Variants in SENP1 observed in about 807,000 individuals in gnomAD.
SENP1 encodes SUMO specific peptidase 1, also known as sentrin-specific protease 1.
In SENP1, 21 loss-of-function variants were observed where a neutral mutation model predicts 93.0. The ratio of observed to expected loss-of-function variants is 0.23; its 90% confidence interval spans 0.16 to 0.33. The LOEUF is 0.33. Ranked by LOEUF, SENP1 falls within the 10% of genes least tolerant of loss-of-function variation. SENP1 has a pLI of 1.00. For synonymous variants in SENP1, 256 were observed against 259.6 expected (o/e 0.99, Z 0.13); for missense variants, 591 against 758.7 (o/e 0.78, Z 2.60).
chr12:48,088,675 C>T lies in SENP1; in HGVS notation c.380+126G>A, dbSNP rs557652800. Reference sequence around the variant, plus strand: ...AATGTAAAATGGATTTGTTCATATCCTTAAGGTTTAAAGTCCAAAAATGGT... The same window carrying T: ...AATGTAAAATGGATTTGTTCATATCTTTAAGGTTTAAAGTCCAAAAATGGT... On this transcript the variant is annotated intron_variant, in intron 5 of 17. Coordinates refer to ENST00000549518, the MANE Select transcript of SENP1 (RefSeq NM_001267594.2). 96 of 865,248 alleles carry T rather than the reference C, an allele frequency of 1.1e-4. No individual in the cohort carries two copies. The African/African-American group carries it at 1.5e-3, about 14-fold the overall frequency. The allele number at this position is 865,248 out of a possible 1,614,324, so 53.6% of individuals were successfully genotyped here. A position where few individuals can be genotyped will look rare whatever the true frequency, so the allele number is the denominator to read the frequency against.
chr12:48,092,609 A>G (rs1945287911), intron 4 of SENP1, among the ~76,000 whole-genome samples: 1 of 152,110 alleles, frequency 6.6e-6, no homozygotes, highest in African/African-American at 2.4e-5. Flanking sequence ...TTAGCATCCC[A>G]TTTCAGTATG....
chr12:48,059,386 T>C (rs1267756772), intron 13 of SENP1, among the ~76,000 whole-genome samples: 4 of 152,194 alleles, frequency 2.6e-5, no homozygotes, highest in African/African-American at 7.2e-5. Flanking sequence ...TAATACTACC[T>C]TATATATTTT....
At chr12:48,046,745 G>A (rs967569346) in intron 16 of SENP1, among the ~76,000 whole-genome samples, 1 of 152,182 alleles carries the variant, frequency 6.6e-6, no homozygotes, top group Admixed American at 6.5e-5. Context: ...TTCCCCTTAG[G>A]AGTGAAAAGC....
At chr12:48,052,748 A>G (rs893511244) in intron 13 of SENP1, among the ~76,000 whole-genome samples, 1 of 152,226 alleles carries the variant, frequency 6.6e-6, no homozygotes, top group African/African-American at 2.4e-5. Flanking sequence ...TTATGGAGTC[A>G]TTTATGGAGA....
At chr12:48,080,019 G>T (rs1167687110) in intron 6 of SENP1, 2 of 152,136 alleles carry the variant, frequency 1.3e-5, no homozygotes, top group African/African-American at 2.4e-5. Flanking sequence ...TCAATAATTT[G>T]CAAAGAAGCG....
Position 48,049,100 on chromosome 12 carries a change from C to T in SENP1, c.1440G>A (p.Glu480=), listed in dbSNP as rs1354294511. The T allele has an allele frequency of 6.2e-7, 1 of 1,613,620 alleles. No homozygotes were observed. The highest frequency in any genetic ancestry group is 8.5e-7 in the Non-Finnish European group (1 of 1,179,626). Residue 480 remains glutamate, a synonymous_variant, in exon 14 of 18, where the codon GAG becomes GAA. Coordinates refer to ENST00000549518, the MANE Select transcript of SENP1 (RefSeq NM_001267594.2). ...IINFYMNMLM[E]RSKEKGLPSV... ...TTGGCAAGCCCTTCTCTTTACTTCGCTCCATCAGCATATTCATGTAGAAAT... is the reference window on the plus strand; with the variant it reads ...TTGGCAAGCCCTTCTCTTTACTTCGTTCCATCAGCATATTCATGTAGAAAT...
At chr12:48,063,040 C>T (rs7133249) in intron 13 of SENP1, among the ~76,000 whole-genome samples, 34,376 of 152,000 alleles carry the variant, frequency 0.23, 4,568 homozygotes, top group East Asian at 0.55. Context: ...TTTTCTTTTG[C>T]TGTAAAAATA....
chr12:48,056,354 ATAT>A (rs1192777499), intron 13 of SENP1, among the ~76,000 whole-genome samples: 1 of 102,284 alleles, frequency 9.8e-6, no homozygotes, highest in African/African-American at 3.6e-5. Context: ...TACATATAAT[ATAT>A]TATTTAATAT....
chr12:48,089,240 C>G, intron 4 of SENP1: 1 of 1,431,142 alleles, frequency 7.0e-7, no homozygotes, highest in Non-Finnish European at 9.3e-7. Flanking sequence ...TGGTGTCCAC[C>G]AAAAGTCAAC....
intron 6 of SENP1, among the ~76,000 whole-genome samples, chr12:48,078,340 C>CACACACAT (rs141523302): frequency 1.0e-3 from 84 of 84,058 alleles, no homozygotes; most frequent in East Asian, 7.2e-3. Context: ...TATATACACA[C>CACACACAT]ACATATATAT....
chr12:48,091,500 T>C (rs922477055), intron 4 of SENP1, among the ~76,000 whole-genome samples: 3 of 152,090 alleles, frequency 2.0e-5, no homozygotes, highest in Admixed American at 2.0e-4. Flanking sequence ...TGAAAGTAAG[T>C]ACTACCAGTT....
intron 13 of SENP1, among the ~76,000 whole-genome samples, chr12:48,052,747 C>A (rs182771445): frequency 6.0e-4 from 91 of 152,280 alleles, no homozygotes; most frequent in Admixed American, 5.0e-3. Context: ...TTTATGGAGT[C>A]ATTTATGGAG....
chr12:48,054,636 A>G (rs1261674506), intron 13 of SENP1, among the ~76,000 whole-genome samples: 1 of 152,074 alleles, frequency 6.6e-6, no homozygotes, highest in Non-Finnish European at 1.5e-5. Flanking sequence ...CTAAAAATAG[A>G]CAAATTAGCT....
chr12:48,102,268 C>T (rs1383911727), intron 1 of SENP1, among the ~76,000 whole-genome samples: 1 of 151,990 alleles, frequency 6.6e-6, no homozygotes, highest in Non-Finnish European at 1.5e-5. Flanking sequence ...CCCATCTCTA[C>T]TAAAAATACA....
intron 17 of SENP1, among the ~76,000 whole-genome samples, chr12:48,046,028 C>T (rs1041169279): frequency 1.3e-5 from 2 of 152,062 alleles, no homozygotes; most frequent in African/African-American, 4.8e-5. Flanking sequence ...TGACTACTAA[C>T]GAAATGCAAG....
At chr12:48,074,120 A>G (rs1173667816) in intron 8 of SENP1, among the ~76,000 whole-genome samples, 1 of 152,148 alleles carries the variant, frequency 6.6e-6, no homozygotes, top group East Asian at 1.9e-4. Context: ...AAACATCCAA[A>G]ATCCCAAATG....
At chr12:48,053,157 C>A (rs1218950900) in intron 13 of SENP1, among the ~76,000 whole-genome samples, 1 of 152,054 alleles carries the variant, frequency 6.6e-6, no homozygotes, top group Non-Finnish European at 1.5e-5. Flanking sequence ...CCGTTCCCAT[C>A]AAAAATATAT....
At chr12:48,103,969 T>C (rs577592019) in intron 1 of SENP1, among the ~76,000 whole-genome samples, 1 of 152,122 alleles carries the variant, frequency 6.6e-6, no homozygotes, top group East Asian at 1.9e-4. Context: ...TCCCAGAACT[T>C]TGGGAGGCCG....
At chr12:48,077,624 A>T (rs2137073843) in intron 6 of SENP1, among the ~76,000 whole-genome samples, 1 of 152,170 alleles carries the variant, frequency 6.6e-6, no homozygotes, top group African/African-American at 2.4e-5. Flanking sequence ...GGGTACATGT[A>T]CACAACATGC....
Sources: allele counts gnomAD v4.1 joint callset (sites outside exome capture counted in the v4.1 genomes callset), GRCh38; gene constraint gnomAD v4.1.1; transcripts MANE v1.5; gene names NCBI Gene and HGNC (gene_info 2026-07-23, HGNC 2026-07-21).